Variants in SESTD1 observed in about 807,000 individuals in gnomAD.
SESTD1 encodes SEC14 domain and spectrin repeat-containing protein 1.
In SESTD1, 43 loss-of-function variants were observed where a neutral mutation model predicts 101.7. The ratio of observed to expected loss-of-function variants is 0.42; its 90% CI spans 0.33 to 0.55. The LOEUF is 0.55. SESTD1 is among the 20% of genes least tolerant of loss of function. SESTD1 has a pLI of 0.07. For missense variants in SESTD1, 647 were observed against 815.1 expected (o/e 0.79, Z 2.51); for synonymous variants, 283 against 286.8 (o/e 0.99, Z 0.13).
intron 10 of SESTD1, among the ~76,000 whole-genome samples, chr2:179,129,595 T>C (rs2044962013): frequency 6.6e-6 from 1 of 152,214 alleles, no homozygotes; most frequent in South Asian, 2.1e-4. Context: ...GACATTGAGC[T>C]GGTAATGCAA....
At chr2:179,193,977 A>G (rs2046354846) in intron 1 of SESTD1, among the ~76,000 whole-genome samples, 1 of 151,924 alleles carries the variant, frequency 6.6e-6, no homozygotes, top group Non-Finnish European at 1.5e-5. Context: ...GGCTTTCATA[A>G]CTCACTCTCT....
chr2:179,233,868 G>C (rs547285662), intron 1 of SESTD1, among the ~76,000 whole-genome samples: 3 of 152,318 alleles, frequency 2.0e-5, no homozygotes, highest in African/African-American at 7.2e-5. Flanking sequence ...GCCCTGGTGT[G>C]TGTGCATGTG....
At chr2:179,196,616 T>A (rs184729673) in intron 1 of SESTD1, among the ~76,000 whole-genome samples, 1 of 152,182 alleles carries the variant, frequency 6.6e-6, no homozygotes, top group African/African-American at 2.4e-5. Flanking sequence ...GATCTGAGAA[T>A]GGGCAGACTG....
At chr2:179,165,359 T>C (rs2045817302) in intron 5 of SESTD1, among the ~76,000 whole-genome samples, 1 of 152,228 alleles carries the variant, frequency 6.6e-6, no homozygotes, top group Non-Finnish European at 1.5e-5. Context: ...TTAATCACTA[T>C]TAATTTCTAT....
At chr2:179,117,294 T>C (rs1296769338) in intron 14 of SESTD1, among the ~76,000 whole-genome samples, 4 of 152,086 alleles carry the variant, frequency 2.6e-5, no homozygotes, top group Non-Finnish European at 4.4e-5. Context: ...TAATAAACGA[T>C]CCCAATCTCT....
chr2:179,158,196 C>A (rs903210394), intron 5 of SESTD1, among the ~76,000 whole-genome samples: 6 of 152,138 alleles, frequency 3.9e-5, no homozygotes, highest in Non-Finnish European at 8.8e-5. Context: ...AAGAAGCCAC[C>A]TTCATTAAAT....
chr2:179,115,808 C>A (rs1408057783), intron 15 of SESTD1, among the ~76,000 whole-genome samples: 1 of 152,110 alleles, frequency 6.6e-6, no homozygotes, highest in Non-Finnish European at 1.5e-5. Flanking sequence ...TGTTAGGCTT[C>A]CCCACTTTAT....
chr2:179,164,122 C>A (rs772985958), intron 5 of SESTD1, among the ~76,000 whole-genome samples: 1 of 152,098 alleles, frequency 6.6e-6, no homozygotes, highest in Admixed American at 6.5e-5. Flanking sequence ...CATACACATA[C>A]TATTTTGATG....
intron 1 of SESTD1, among the ~76,000 whole-genome samples, chr2:179,197,490 C>T (rs999113587): frequency 6.6e-6 from 1 of 151,860 alleles, no homozygotes; most frequent in African/African-American, 2.4e-5. Context: ...GAAGAGCAAC[C>T]CCAAGACACG....
chr2:179,148,877 G>A (rs767252613), intron 7 of SESTD1, among the ~76,000 whole-genome samples: 131 of 151,828 alleles, frequency 8.6e-4, no homozygotes, highest in Non-Finnish European at 2.6e-4. Context: ...TGGGTAACAT[G>A]GTGAAACGCC....
At position 179,103,712 on chromosome 2, in the gene SESTD1, G is replaced by A. The variant is rs2044322047; in HGVS notation, c.*6187C>T. 1 of 152,084 alleles carries A rather than the reference G, an allele frequency of 6.6e-6. No individual in the cohort carries two copies. The highest frequency in any genetic ancestry group is 2.1e-4 in the South Asian group (1 of 4,828). The allele number at this position is 152,084 out of a possible 1,614,324, so 9.4% of individuals were successfully genotyped here. A position where few individuals can be genotyped will look rare whatever the true frequency, so the allele number is the denominator to read the frequency against. ...ACAGAAAAATCTTATGGTAGAAAAA[G>A]GAACAGTGGTTGCCTTTGAGGGTCA... On this transcript the variant is annotated 3_prime_UTR_variant, in exon 18 of 18. Coordinates refer to ENST00000428443, the MANE Select transcript of SESTD1 (RefSeq NM_178123.5).
rs1473408329 is a variant in SESTD1 at position 179,213,080 on chromosome 2, C to T, written c.-25-21214G>A. Reference sequence around the variant, plus strand: ...AAGCTGAAAATTCTAAAAACCAGATCACCTCTTCTCCTACAAAGGATCACA... The same window carrying T: ...AAGCTGAAAATTCTAAAAACCAGATTACCTCTTCTCCTACAAAGGATCACA... On this transcript the variant is annotated intron_variant, in intron 1 of 17. Transcript: ENST00000428443. Among the ~76,000 whole-genome samples the T allele has an allele frequency of 1.5e-5, 2 of 134,642 alleles. 1 individual carries two copies. The highest frequency in any genetic ancestry group is 3.2e-5 in the Non-Finnish European group (2 of 62,674). The allele number at this position is 134,642 out of a possible 152,430, so 88.3% of individuals were successfully genotyped here. A position where few individuals can be genotyped will look rare whatever the true frequency, so the allele number is the denominator to read the frequency against.
intron 5 of SESTD1, among the ~76,000 whole-genome samples, 177 bp downstream of exon 5, chr2:179,171,943 T>C (rs1247573819): frequency 2.0e-5 from 3 of 152,160 alleles, no homozygotes; most frequent in Admixed American, 6.5e-5. Flanking sequence ...TTTAACAAAA[T>C]ATCATACTTC....
chr2:179,236,540 T>C (rs898658472), intron 1 of SESTD1, among the ~76,000 whole-genome samples: 1 of 151,910 alleles, frequency 6.6e-6, no homozygotes, highest in African/African-American at 2.4e-5. Context: ...TACATACACA[T>C]GACCTGAGCA....
intron 8 of SESTD1, among the ~76,000 whole-genome samples, chr2:179,145,357 T>C (rs1559112211): frequency 1.3e-5 from 2 of 152,212 alleles, no homozygotes; most frequent in Non-Finnish European, 2.9e-5. Flanking sequence ...GTAACCTATA[T>C]AAGTTACTTA....
chr2:179,149,271 A>AT (rs2045466302), intron 7 of SESTD1, 26 bp downstream of exon 7: 1 of 1,506,346 alleles, frequency 6.6e-7, no homozygotes, highest in Admixed American at 1.8e-5. Flanking sequence ...TTGCAAGGAT[A>AT]TAATTGCATG....
chr2:179,152,040 C>T (rs982691785), intron 5 of SESTD1, among the ~76,000 whole-genome samples: 2 of 151,960 alleles, frequency 1.3e-5, no homozygotes, highest in Admixed American at 1.3e-4. Context: ...CTAAATAAAA[C>T]TTCAGTGAAG....
chr2:179,138,035 G>C (rs1231423383), intron 9 of SESTD1, among the ~76,000 whole-genome samples: 1 of 152,098 alleles, frequency 6.6e-6, no homozygotes, highest in Non-Finnish European at 1.5e-5. Flanking sequence ...AATGTGACCT[G>C]TGAAAAACAG....
chr2:179,257,832 A>T (rs191411168), intron 1 of SESTD1, among the ~76,000 whole-genome samples: 1 of 152,376 alleles, frequency 6.6e-6, no homozygotes, highest in African/African-American at 2.4e-5. Flanking sequence ...AAGTACTCAG[A>T]AGGGGAGCTA....
Sources: allele counts gnomAD v4.1 joint callset (sites outside exome capture counted in the v4.1 genomes callset), GRCh38; gene constraint gnomAD v4.1.1; transcripts MANE v1.5; gene names NCBI Gene and HGNC (gene_info 2026-07-23, HGNC 2026-07-21).